Variants in SNAP91 observed in about 807,000 individuals in gnomAD.
The protein encoded by SNAP91 is synaptosome associated protein 91, also known as clathrin coat assembly protein AP180.
SNAP91 carries 27 observed loss-of-function variants against 100.3 expected under a neutral mutation model. The ratio of observed to expected loss-of-function variants is 0.27; its 90% CI spans 0.20 to 0.37. SNAP91 has a LOEUF of 0.37. SNAP91 is among the 10% of genes least tolerant of loss of function. SNAP91 has a pLI of 1.00. For missense variants in SNAP91, 986 were observed against 1,123.7 expected (o/e 0.88, Z 1.75); for synonymous variants, 404 against 398.6 (o/e 1.01, Z -0.16).
At chr6:83,692,341 C>A (rs1466538101) in intron 2 of SNAP91, among the ~76,000 whole-genome samples, 1 of 151,994 alleles carries the variant, frequency 6.6e-6, no homozygotes, top group Non-Finnish European at 1.5e-5. Flanking sequence ...ATGGCAAAAC[C>A]CCATCTCTAC....
At chr6:83,645,881 A>G (rs2097898407) in intron 7 of SNAP91, among the ~76,000 whole-genome samples, 1 of 152,182 alleles carries the variant, frequency 6.6e-6, no homozygotes, top group Non-Finnish European at 1.5e-5. Context: ...CTGTCTTCAT[A>G]GCTTTGCCTT....
chr6:83,585,015 T>C (rs2092165593), intron 22 of SNAP91, among the ~76,000 whole-genome samples: 1 of 152,158 alleles, frequency 6.6e-6, no homozygotes, highest in South Asian at 2.1e-4. Flanking sequence ...TAAACAGCTA[T>C]TAAGTGATAT....
intron 7 of SNAP91, among the ~76,000 whole-genome samples, chr6:83,642,272 G>T (rs1174818952): frequency 6.6e-6 from 1 of 152,106 alleles, no homozygotes; most frequent in African/African-American, 2.4e-5. Context: ...CATGTGCCAT[G>T]TTGGTGTGCT....
At chr6:83,691,028 CT>C (rs1290142042) in intron 2 of SNAP91, among the ~76,000 whole-genome samples, 1 of 151,942 alleles carries the variant, frequency 6.6e-6, no homozygotes, top group African/African-American at 2.4e-5. Flanking sequence ...GACATTTGCC[CT>C]TTTCACACTC....
At chr6:83,624,857 T>A (rs1291698682) in intron 8 of SNAP91, among the ~76,000 whole-genome samples, 1 of 152,158 alleles carries the variant, frequency 6.6e-6, no homozygotes, top group Non-Finnish European at 1.5e-5. Context: ...TTACTTTTTC[T>A]GCAACTACCA....
chr6:83,643,753 G>C (rs1422352341), intron 7 of SNAP91, among the ~76,000 whole-genome samples: 1 of 152,176 alleles, frequency 6.6e-6, no homozygotes, highest in African/African-American at 2.4e-5. Flanking sequence ...TCTGTTGACA[G>C]TCTTTGGGTA....
intron 7 of SNAP91, among the ~76,000 whole-genome samples, chr6:83,649,839 T>C (rs1449814333): frequency 1.3e-5 from 2 of 151,804 alleles, no homozygotes; most frequent in South Asian, 4.2e-4. Context: ...TCTGCCCACC[T>C]TGGCCTCCCA....
chr6:83,644,451 G>A (rs1436057251), intron 7 of SNAP91, among the ~76,000 whole-genome samples: 1 of 152,018 alleles, frequency 6.6e-6, no homozygotes, highest in Admixed American at 6.6e-5. Flanking sequence ...TTTAAAGAGG[G>A]GATTGGTCAT....
At chr6:83,698,823 G>T (rs1344508146) in intron 2 of SNAP91, among the ~76,000 whole-genome samples, 2 of 152,090 alleles carry the variant, frequency 1.3e-5, no homozygotes, top group Non-Finnish European at 2.9e-5. Flanking sequence ...CATATATTAA[G>T]TAACACCTCA....
At chr6:83,637,015 T>C (rs1699487247) in intron 8 of SNAP91, among the ~76,000 whole-genome samples, 1 of 152,182 alleles carries the variant, frequency 6.6e-6, no homozygotes, top group Non-Finnish European at 1.5e-5. Flanking sequence ...TATTTTTGTT[T>C]GGTGGTGCCA....
At chr6:83,688,120 C>T (rs1030014485) in intron 2 of SNAP91, among the ~76,000 whole-genome samples, 4 of 152,136 alleles carry the variant, frequency 2.6e-5, no homozygotes, top group Admixed American at 2.0e-4. Context: ...TCATATATGA[C>T]CCCATAGCCT....
chr6:83,642,889 G>C (rs1304258153), intron 7 of SNAP91, among the ~76,000 whole-genome samples: 1 of 152,194 alleles, frequency 6.6e-6, no homozygotes, highest in African/African-American at 2.4e-5. Context: ...ATTCTAACTG[G>C]TGTAAGATGG....
intron 2 of SNAP91, chr6:83,689,562 C>T (rs2128976893): frequency 6.6e-6 from 1 of 152,024 alleles, no homozygotes; most frequent in Admixed American, 6.6e-5. Context: ...ATGAAAACCT[C>T]CAAATAACTT....
chr6:83,597,363 A>G (rs981972277), intron 16 of SNAP91, among the ~76,000 whole-genome samples: 7 of 152,232 alleles, frequency 4.6e-5, no homozygotes, highest in African/African-American at 1.7e-4. Context: ...AAAATAAACA[A>G]AACTTTTTTA....
chr6:83,645,697 A>AAAAATTAG (rs2128595515), intron 7 of SNAP91, among the ~76,000 whole-genome samples: 1 of 152,190 alleles, frequency 6.6e-6, no homozygotes, highest in South Asian at 2.1e-4. Context: ...AAAAAAATTC[A>AAAAATTAG]AAAATTAGCC....
At chr6:83,701,961 T>C (rs576317088) in intron 2 of SNAP91, among the ~76,000 whole-genome samples, 1 of 152,274 alleles carries the variant, frequency 6.6e-6, no homozygotes, top group African/African-American at 2.4e-5. Flanking sequence ...TTCTTACAAA[T>C]CATTGTGCAA....
At chr6:83,685,109 T>C (rs2099043148) in intron 2 of SNAP91, among the ~76,000 whole-genome samples, 1 of 152,218 alleles carries the variant, frequency 6.6e-6, no homozygotes, top group Non-Finnish European at 1.5e-5. Flanking sequence ...GAATTATGAT[T>C]GGATACCACA....
chr6:83,640,627 A>C (rs2097657249), intron 8 of SNAP91, among the ~76,000 whole-genome samples: 1 of 152,180 alleles, frequency 6.6e-6, no homozygotes, highest in South Asian at 2.1e-4. Flanking sequence ...TATAAAACAA[A>C]TTATGCTTTC....
intron 9 of SNAP91, among the ~76,000 whole-genome samples, chr6:83,619,589 G>C (rs1418787257): frequency 6.6e-6 from 1 of 152,190 alleles, no homozygotes; most frequent in Non-Finnish European, 1.5e-5. Context: ...GAGTCAGCCT[G>C]TGAAAGCTGA....
Sources: allele counts gnomAD v4.1 joint callset (sites outside exome capture counted in the v4.1 genomes callset), GRCh38; gene constraint gnomAD v4.1.1; transcripts MANE v1.5; gene names NCBI Gene and HGNC (gene_info 2026-07-23, HGNC 2026-07-21).